The following ZNF532 variants were observed in gnomAD, a reference collection of about 807,000 sequenced individuals.
ZNF532 encodes zinc finger protein 532.
ZNF532 carries 22 observed loss-of-function variants against 89.3 expected under a neutral mutation model. The ratio of observed to expected loss-of-function variants is 0.25; its 90% CI spans 0.18 to 0.35. The LOEUF is 0.35. Ranked by LOEUF, ZNF532 falls within the 10% of genes least tolerant of loss-of-function variation. The pLI is 1.00. For synonymous variants in ZNF532, 606 were observed against 649.6 expected, an observed-to-expected ratio of 0.93 and a Z score of 1.02; for missense variants, 1,132 against 1,643.4, an observed-to-expected ratio of 0.69 and a Z score of 5.38.
chr18:58,986,010 G>GTAAT lies in ZNF532; in HGVS notation c.*1550_*1553dup, dbSNP rs996499675. On this transcript the variant is annotated 3_prime_UTR_variant, in exon 10 of 10. Coordinates refer to ENST00000591808, the MANE Select transcript of ZNF532 (RefSeq NM_001375912.1). ...CTGACATCTTTGTGAAGTTTGGGAA[G>GTAAT]TAATTAATTGCAGCGACAAGCTACA... The GTAAT allele has an allele frequency of 4.6e-5, 7 of 152,676 alleles. No homozygotes were observed. The highest frequency in any genetic ancestry group is 1.4e-4 in the African/African-American group (6 of 41,514). 9.5% of individuals were successfully genotyped at this position (152,676 alleles called of 1,614,324 possible). A position where few individuals can be genotyped will look rare whatever the true frequency, so the allele number is the denominator to read the frequency against.
chr18:58,983,955 C>T lies in ZNF532; in HGVS notation c.3412-17C>T, dbSNP rs1283606014. The T allele has an allele frequency of 6.3e-7, 1 of 1,593,032 alleles. No individual in the cohort carries two copies. The highest frequency in any genetic ancestry group is 1.1e-5 in the South Asian group (1 of 88,908). On this transcript the variant is annotated splice_polypyrimidine_tract_variant and intron_variant, in intron 9 of 9. Coordinates refer to ENST00000591808, the MANE Select transcript of ZNF532 (RefSeq NM_001375912.1). ...GGATGGTTTTCAGTCGTGTCATTTG[C>T]TTTCTTTCCCTGAAAGGTCCCCAGT...
At chr18:58,880,773 T>TGTGTGTGTGTGTGTGTGTGTGG (rs1568227838) in intron 2 of ZNF532, among the ~76,000 whole-genome samples, 1 of 131,744 alleles carries the variant, frequency 7.6e-6, no homozygotes, top group Non-Finnish European at 1.5e-5. Context: ...CGCGCGCGCG[T>TGTGTGTGTGTGTGTGTGTGTGG]CTGTGTGTGT....
intron 7 of ZNF532, among the ~76,000 whole-genome samples, chr18:58,969,689 G>A (rs547535868): frequency 4.6e-5 from 7 of 152,082 alleles, no homozygotes; most frequent in South Asian, 2.1e-4. Flanking sequence ...TTTGACATTT[G>A]TGTTTGCTTG....
chr18:58,900,182 T>A (rs975819565), intron 2 of ZNF532, among the ~76,000 whole-genome samples: 13 of 152,230 alleles, frequency 8.5e-5, no homozygotes, highest in African/African-American at 3.1e-4. Flanking sequence ...CTCCAGGGGC[T>A]TCTCTGTGAT....
At chr18:58,866,039 T>C (rs2056424622) in intron 2 of ZNF532, among the ~76,000 whole-genome samples, 1 of 152,250 alleles carries the variant, frequency 6.6e-6, no homozygotes, top group Non-Finnish European at 1.5e-5. Flanking sequence ...TACCTTGCTC[T>C]CTTGTGTTAA....
chr18:58,957,408 T>C (rs1023850494), intron 7 of ZNF532, among the ~76,000 whole-genome samples: 3 of 13,024 alleles, frequency 2.3e-4, no homozygotes, highest in Non-Finnish European at 5.8e-4. Context: ...TTAAAATACA[T>C]ATATATATAT....
At chr18:58,932,458 GA>G (rs2062042323) in intron 3 of ZNF532, 1 of 152,180 alleles carries the variant, frequency 6.6e-6, no homozygotes, top group Admixed American at 6.5e-5. Context: ...CATTACTTTA[GA>G]TAAAAGAGAA....
intron 2 of ZNF532, among the ~76,000 whole-genome samples, chr18:58,910,318 GGTTA>G (rs540251952): frequency 1.5e-4 from 23 of 152,192 alleles, no homozygotes; most frequent in East Asian, 5.8e-4. Context: ...GAGTTGTTTA[GGTTA>G]GTTTTTTGTT....
chr18:58,919,361 C>T lies in ZNF532; in HGVS notation c.1074C>T (p.Ile358=), dbSNP rs772095329. The stretch of plus-strand genomic sequence containing the variant: ...CTCCCGCAGGGTCCACACCAGCAAT[C>T]CCCAAAGTCCGCATAAAAACCATTA... ...PSSPAGSTPA[I]PKVRIKTIKT... is the part of the protein sequence containing the mutation. Residue 358 remains isoleucine, a synonymous_variant, in exon 3 of 10, where the codon ATC becomes ATT. Transcript: ENST00000591808. The surrounding 1 kb of genome is among the most constrained non-coding windows in gnomAD (Gnocchi z 6.1). 6.2e-7 allele frequency: 1 copy of T among 1,614,218 alleles called. No individual in the cohort carries two copies. Among genetic ancestry groups the T allele is most frequent in the Non-Finnish European group, 8.5e-7 (1 of 1,180,036 alleles).
chr18:58,931,992 G>A (rs1305182940), intron 3 of ZNF532, among the ~76,000 whole-genome samples: 1 of 152,252 alleles, frequency 6.6e-6, no homozygotes, highest in East Asian at 1.9e-4. Flanking sequence ...AGGAGTAGAG[G>A]AGGCAGGTGA....
Position 58,920,424 on chromosome 18 carries a change from A to G in ZNF532, c.2137A>G (p.Thr713Ala), listed in dbSNP as rs2060942670. 6.2e-7 allele frequency: 1 copy of G among 1,613,916 alleles called. No individual in the cohort carries two copies. Among genetic ancestry groups the G allele is most frequent in the East Asian group, 2.2e-5 (1 of 44,872 alleles). ...STLQSPVGAG[T>A]HTVTKIQSGI... ...TCTTCAGAGCCCTGTGGGAGCTGGCACACACACTGTCACAAAAATTCAGTC... is the reference window on the plus strand; with the variant it reads ...TCTTCAGAGCCCTGTGGGAGCTGGCGCACACACTGTCACAAAAATTCAGTC... Residue 713 changes from threonine (T) to alanine (A), a missense_variant, in exon 3 of 10, where the codon ACA becomes GCA. Physicochemically the swap from Thr to Ala is moderately conservative, Grantham distance 58. Transcript: ENST00000591808.
At chr18:58,963,978 T>G (rs2065646821) in intron 7 of ZNF532, 1 of 152,188 alleles carries the variant, frequency 6.6e-6, no homozygotes, top group Admixed American at 6.5e-5. Flanking sequence ...ATCTCCATGT[T>G]GTTTCTGTCT....
rs141698690 is a variant in ZNF532, at chr18:58,976,228, A to AT, written c.3151-2822dup. Among the ~76,000 whole-genome samples the AT allele has an allele frequency of 3.9e-3, 593 of 152,310 alleles. 2 individuals carry two copies. Among genetic ancestry groups the AT allele is most frequent in the Admixed American group, 7.5e-3 (114 of 15,296 alleles). On this transcript the variant is annotated intron_variant, in intron 7 of 9. Coordinates refer to ENST00000591808, the MANE Select transcript of ZNF532 (RefSeq NM_001375912.1). ...TTTGAATTGCAGAGTTCATTTCTGC[A>AT]TTTTTCATAAAGATGCTGAAACAGA...
rs1416006284 is a variant in ZNF532, at chr18:58,986,132, T to C, written c.*1666T>C. ...CTTTCTTGTTGACTCCATCAGTACA[T>C]GGGTACAATCCGAGGGTGTGAATTT... On this transcript the variant is annotated 3_prime_UTR_variant, in exon 10 of 10. Transcript: ENST00000591808. The C allele has an allele frequency of 6.6e-6, 1 of 152,668 alleles. No homozygotes were observed. The highest frequency in any genetic ancestry group is 1.9e-4 in the East Asian group (1 of 5,202). 9.5% of individuals were successfully genotyped at this position (152,668 alleles called of 1,614,324 possible).
intron 2 of ZNF532, among the ~76,000 whole-genome samples, chr18:58,878,469 C>G (rs900292254): frequency 3.3e-5 from 5 of 152,214 alleles, no homozygotes; most frequent in African/African-American, 4.8e-5. Context: ...AGAGGCCCCC[C>G]TGAAGGACTA....
intron 7 of ZNF532, among the ~76,000 whole-genome samples, chr18:58,955,551 C>T (rs1204322510): frequency 6.6e-6 from 1 of 152,202 alleles, no homozygotes; most frequent in Admixed American, 6.5e-5. Flanking sequence ...GTGCTAAGAA[C>T]TATTCTGTAA....
chr18:58,882,595 C>G (rs1235223859), intron 2 of ZNF532, among the ~76,000 whole-genome samples: 2 of 152,142 alleles, frequency 1.3e-5, no homozygotes, highest in Non-Finnish European at 2.9e-5. Context: ...GTGTGCAACA[C>G]CATTCCTGGC....
At chr18:58,887,855 C>T (rs923356163) in intron 2 of ZNF532, among the ~76,000 whole-genome samples, 4 of 152,130 alleles carry the variant, frequency 2.6e-5, no homozygotes, top group African/African-American at 9.7e-5. Context: ...GGCAGCCGGG[C>T]TTTGTGAAAG....
At chr18:58,942,401 TCCTTCCTA>T (rs1189196359) in intron 5 of ZNF532, among the ~76,000 whole-genome samples, 9 of 137,248 alleles carry the variant, frequency 6.6e-5, no homozygotes, top group African/African-American at 2.3e-4. Context: ...CTTCCTTCCT[TCCTTCCTA>T]AGTGCAAGCC....
Sources: allele counts gnomAD v4.1 joint callset (sites outside exome capture counted in the v4.1 genomes callset), GRCh38; gene constraint gnomAD v4.1.1; non-coding constraint Gnocchi (gnomAD v3.1); transcripts MANE v1.5; gene names NCBI Gene and HGNC (gene_info 2026-07-23, HGNC 2026-07-21).